GRID2: variants seen among roughly 807,000 people sequenced by gnomAD.
GRID2 encodes glutamate ionotropic receptor delta type subunit 2.
In GRID2, 33 loss-of-function variants were observed where a neutral mutation model predicts 114.8. The ratio of observed to expected loss-of-function variants is 0.29; its 90% confidence interval spans 0.22 to 0.38. The LOEUF (loss-of-function observed/expected upper bound fraction) is 0.38. GRID2 is among the 10% of genes least tolerant of loss of function. The probability of loss-of-function intolerance (pLI) is 1.00; values close to 1 mark genes in which losing one functional copy is unlikely to be tolerated. For synonymous variants in GRID2, 505 were observed against 449.9 expected, an observed-to-expected ratio of 1.12 and a Z score of -1.55; for missense variants, 1,184 against 1,257.7, an observed-to-expected ratio of 0.94 and a Z score of 0.89.
Position 93,311,676 on chromosome 4 carries a change from C to T in GRID2, c.1245+73186C>T, listed in dbSNP as rs576121083. ...CATTTAACAGGTTATTGTTGGCAGA[C>T]GAGCATTCAGTGGAGATTGTAAAGT... is the stretch of plus-strand genomic sequence containing the variant. On this transcript the variant is annotated intron_variant, in intron 8 of 15. Transcript: ENST00000282020. Among the ~76,000 whole-genome samples the T allele has an allele frequency of 2.1e-3, 325 of 152,172 alleles. 3 individuals are homozygous for T. The highest frequency in any genetic ancestry group is 7.3e-3 in the African/African-American group (304 of 41,512).
intron 3 of GRID2, among the ~76,000 whole-genome samples, chr4:93,103,850 T>C (rs1188258944): frequency 1.3e-5 from 2 of 151,464 alleles, no homozygotes; most frequent in Non-Finnish European, 2.9e-5. Flanking sequence ...GTTTTTTTTT[T>C]TTGTTTGTTT....
intron 2 of GRID2, among the ~76,000 whole-genome samples, chr4:93,012,225 C>G (rs1722250112): frequency 6.6e-6 from 1 of 151,920 alleles, no homozygotes. Context: ...CCAATTGGAA[C>G]ACCACTTATT....
At chr4:93,713,032 C>G (rs1728617377) in intron 14 of GRID2, among the ~76,000 whole-genome samples, 1 of 151,956 alleles carries the variant, frequency 6.6e-6, no homozygotes, top group Non-Finnish European at 1.5e-5. Flanking sequence ...AGCCATTTTC[C>G]TGAATATAAG....
intron 8 of GRID2, among the ~76,000 whole-genome samples, chr4:93,262,807 A>C (rs1388817380): frequency 7.4e-6 from 1 of 134,530 alleles, no homozygotes; most frequent in Non-Finnish European, 1.6e-5. Flanking sequence ...GTGTTGGAAT[A>C]AATGCAATAA....
intron 2 of GRID2, among the ~76,000 whole-genome samples, chr4:92,682,350 A>G (rs1008407970): frequency 2.0e-5 from 3 of 152,174 alleles, no homozygotes; most frequent in African/African-American, 4.8e-5. Context: ...GGTCTAAACC[A>G]ATGGCTCTCT....
At chr4:92,843,820 G>A (rs1405351636) in intron 2 of GRID2, among the ~76,000 whole-genome samples, 1 of 152,032 alleles carries the variant, frequency 6.6e-6, no homozygotes, top group African/African-American at 2.4e-5. Flanking sequence ...TAGTTGCAAT[G>A]TAGAATCTGA....
intron 2 of GRID2, among the ~76,000 whole-genome samples, chr4:92,739,151 A>G (rs977569057): frequency 2.0e-5 from 3 of 152,114 alleles, no homozygotes; most frequent in African/African-American, 7.2e-5. Flanking sequence ...ACATTTCCAA[A>G]TTTTTTATCT....
In GRID2 at chr4:92,415,729, TG is replaced by T. The variant is rs1450527660; in HGVS notation, c.88+110986del. Among the ~76,000 whole-genome samples, 146 of 91,026 alleles carry T rather than the reference TG, an allele frequency of 1.6e-3. 1 individual carries two copies. The highest frequency in any genetic ancestry group is 5.9e-3 in the Admixed American group (43 of 7,232). The allele number at this position is 91,026 out of a possible 152,430, so 59.7% of individuals were successfully genotyped here. Reference sequence around the variant, plus strand: ...GCATGTATGTGTGTGTGTGTGTGTGTGTGTATGTGTGTATATATATATATAT... The same window carrying T: ...GCATGTATGTGTGTGTGTGTGTGTGTTGTATGTGTGTATATATATATATAT... On this transcript the variant is annotated intron_variant, in intron 1 of 15. Coordinates refer to ENST00000282020, the MANE Select transcript of GRID2 (RefSeq NM_001510.4).
chr4:92,432,645 G>T (rs932947076), intron 1 of GRID2, among the ~76,000 whole-genome samples: 3 of 152,046 alleles, frequency 2.0e-5, no homozygotes, highest in African/African-American at 7.2e-5. Context: ...ACTGAAGTGG[G>T]CTCCCCTGTG....
chr4:92,333,276 T>C (rs975458327), intron 1 of GRID2, among the ~76,000 whole-genome samples: 2 of 152,210 alleles, frequency 1.3e-5, no homozygotes, highest in African/African-American at 4.8e-5. Context: ...TAGGGGTCAG[T>C]TGAGCCAATG....
At chr4:92,795,630 T>A (rs910964719) in intron 2 of GRID2, among the ~76,000 whole-genome samples, 1 of 151,990 alleles carries the variant, frequency 6.6e-6, no homozygotes. Context: ...CCAATCCTTC[T>A]TACACCATGT....
At chr4:92,337,046 T>C (rs1048388698) in intron 1 of GRID2, among the ~76,000 whole-genome samples, 1 of 150,794 alleles carries the variant, frequency 6.6e-6, no homozygotes, top group Non-Finnish European at 1.5e-5. Context: ...TTTGAAACTT[T>C]ATATAATATG....
At chr4:92,586,247 G>T (rs1048163875) in intron 1 of GRID2, among the ~76,000 whole-genome samples, 2 of 151,790 alleles carry the variant, frequency 1.3e-5, no homozygotes, top group Non-Finnish European at 2.9e-5. Flanking sequence ...AGTTGGTTAG[G>T]TTAGTGAACT....
chr4:92,508,367 C>T (rs927612535), intron 1 of GRID2, among the ~76,000 whole-genome samples: 25 of 151,678 alleles, frequency 1.6e-4, no homozygotes, highest in African/African-American at 5.8e-4. Flanking sequence ...CATATTCTAT[C>T]GGTAAATACT....
At chr4:92,674,772 C>T (rs371132305) in intron 2 of GRID2, among the ~76,000 whole-genome samples, 138 of 152,246 alleles carry the variant, frequency 9.1e-4, no homozygotes, top group African/African-American at 2.9e-3. Context: ...CCACCCGCTT[C>T]GGCCTCCCAA....
At chr4:93,217,052 G>A (rs1744307646) in intron 6 of GRID2, 141 bp downstream of exon 6, 1 of 547,362 alleles carries the variant, frequency 1.8e-6, no homozygotes, top group Admixed American at 3.1e-5. Context: ...AAGTCTAATG[G>A]GGAGAAAGTG....
intron 2 of GRID2, among the ~76,000 whole-genome samples, chr4:92,904,865 A>G (rs2149484371): frequency 6.6e-6 from 1 of 152,130 alleles, no homozygotes; most frequent in Admixed American, 6.5e-5. Context: ...GTGGTCCATA[A>G]AGCTTTATGA....
chr4:93,572,323 ATAGT>A (rs1242304683), intron 13 of GRID2, among the ~76,000 whole-genome samples: 8 of 152,170 alleles, frequency 5.3e-5, no homozygotes, highest in African/African-American at 1.9e-4. Context: ...GTGACCTAAG[ATAGT>A]TAGTTTAGAT....
At chr4:93,198,022 A>G (rs1741676786) in intron 4 of GRID2, among the ~76,000 whole-genome samples, 1 of 152,162 alleles carries the variant, frequency 6.6e-6, no homozygotes, top group East Asian at 1.9e-4. Flanking sequence ...CAAATAGTTT[A>G]GTCCTAGGTG....
Sources: gnomAD v4.1 joint callset for allele counts (sites outside exome capture counted in the v4.1 genomes callset) on GRCh38, gnomAD v4.1.1 for gene constraint, MANE v1.5 for transcripts, NCBI Gene and HGNC (gene_info 2026-07-23, HGNC 2026-07-21) for gene names.